FAF1: variants seen among roughly 807,000 people sequenced by gnomAD.
FAF1 encodes the protein Fas associated factor 1, also known as FAS-associated factor 1.
FAF1 carries 25 observed loss-of-function variants against 92.5 expected under a neutral mutation model. The observed-to-expected ratio is 0.27, with a 90% CI of 0.20 to 0.38. The LOEUF is 0.38. Among genes scored for constraint, FAF1 ranks in the 10% least tolerant of loss-of-function variants. The pLI, the probability that FAF1 is intolerant of heterozygous loss-of-function variation, is 1.00. For missense variants in FAF1, 636 were observed against 793.3 expected (o/e 0.80, Z 2.38); for synonymous variants, 234 against 273.2 (o/e 0.86, Z 1.42).
At chr1:50,869,583 T>C (rs1644510291) in intron 1 of FAF1, among the ~76,000 whole-genome samples, 1 of 152,206 alleles carries the variant, frequency 6.6e-6, no homozygotes, top group Admixed American at 6.5e-5. Flanking sequence ...GAGCTCCTAC[T>C]TGCCATGGAG....
intron 13 of FAF1, among the ~76,000 whole-genome samples, chr1:50,544,541 C>G (rs996481604): frequency 5.3e-5 from 8 of 152,154 alleles, no homozygotes; most frequent in Admixed American, 4.6e-4. Flanking sequence ...GAAGGCAGTT[C>G]TTAAAAGAAA....
chr1:50,584,796 G>A lies in FAF1; in HGVS notation c.856C>T (p.His286Tyr), dbSNP rs541555206. 1 of 1,613,054 alleles carries A rather than the reference G, an allele frequency of 6.2e-7. No individual in the cohort carries two copies. The highest frequency in any genetic ancestry group is 2.2e-5 in the East Asian group (1 of 44,816). The change falls in exon 10 of 19, where the codon CAT becomes TAT. Residue 286 changes from histidine to tyrosine, a missense_variant. This residue lies in a region of FAF1 where 319 missense variants were observed against 451.0 expected (regional missense o/e 0.71). Coordinates refer to ENST00000396153, the MANE Select transcript of FAF1 (RefSeq NM_007051.3). ...TCTCCATCGCTATCACTAACCATAT[G>A]AACATCGGTGATTTGCTATTTAAGG... ...EQSEEQITDV[H>Y]MVSDSDGDDF...
chr1:50,656,053 C>T lies in FAF1; in HGVS notation c.658-525G>A, dbSNP rs1475649682. 5.9e-5 allele frequency among the ~76,000 whole-genome samples: 9 copies of T among 151,946 alleles called. No individual in the cohort carries two copies. The East Asian group carries it at 1.2e-3, about 20-fold the overall frequency. On this transcript the variant is annotated intron_variant, in intron 7 of 18. Transcript: ENST00000396153. ...ACTTATTATTAAAGTAGCACAGGGC[C>T]GGGGACGGTGGCTCACACCTGTAAT...
chr1:50,702,122 G>T (rs144872404), intron 7 of FAF1, among the ~76,000 whole-genome samples: 1 of 151,960 alleles, frequency 6.6e-6, no homozygotes, highest in Non-Finnish European at 1.5e-5. Context: ...TAGTAAGGCC[G>T]ATAACAAAGA....
chr1:50,685,886 G>A (rs142613634), intron 7 of FAF1, among the ~76,000 whole-genome samples: 14 of 152,280 alleles, frequency 9.2e-5, no homozygotes, highest in Non-Finnish European at 1.8e-4. Context: ...TTACTATGAA[G>A]TAAAAACCAT....
At chr1:50,443,700 G>C (rs1194038440) in intron 18 of FAF1, among the ~76,000 whole-genome samples, 1 of 152,146 alleles carries the variant, frequency 6.6e-6, no homozygotes, top group Non-Finnish European at 1.5e-5. Flanking sequence ...AGGTTGTTGT[G>C]ATTATAGTTA....
intron 12 of FAF1, among the ~76,000 whole-genome samples, chr1:50,569,566 C>T (rs1650332931): frequency 6.6e-6 from 1 of 152,164 alleles, no homozygotes; most frequent in African/African-American, 2.4e-5. Flanking sequence ...AGAGGGATGT[C>T]AACCCCTAAT....
chr1:50,468,993 T>C (rs1220594620), intron 18 of FAF1, among the ~76,000 whole-genome samples: 1 of 152,264 alleles, frequency 6.6e-6, no homozygotes, highest in Non-Finnish European at 1.5e-5. Flanking sequence ...CCCTTGCTAG[T>C]ATTTTTCCCT....
At chr1:50,680,012 T>C (rs1210510024) in intron 7 of FAF1, among the ~76,000 whole-genome samples, 1 of 152,248 alleles carries the variant, frequency 6.6e-6, no homozygotes, top group Non-Finnish European at 1.5e-5. Flanking sequence ...ACTTTCACTG[T>C]GATAGATCTA....
At chr1:50,656,131 A>C (rs1488343518) in intron 7 of FAF1, among the ~76,000 whole-genome samples, 1 of 152,182 alleles carries the variant, frequency 6.6e-6, no homozygotes, top group Non-Finnish European at 1.5e-5. Context: ...CAGGAGTTCG[A>C]GACCAGTCTG....
At chr1:50,541,514 C>T (rs1648755321) in intron 13 of FAF1, among the ~76,000 whole-genome samples, 1 of 152,022 alleles carries the variant, frequency 6.6e-6, no homozygotes, top group Non-Finnish European at 1.5e-5. Context: ...GTGCTTTTTT[C>T]TAAAATATTT....
rs749003154 is a variant in FAF1, at chr1:50,490,635, G to T, written c.1606C>A (p.Gln536Lys). ...REAHEREMAE[Q>K]FRLEQIRKEQ... ...TTGCGAATCTGCTCCAAACGAAACT[G>T]TTCTGCCATCTCTCTCTCGTGAGCT... Residue 536 changes from glutamine (Q) to lysine (K), a missense_variant, in exon 17 of 19, where the codon CAG (glutamine) becomes AAG (lysine). Gln to Lys is a moderately conservative substitution (Grantham distance 53, BLOSUM62 1). Around this residue, in one of 2 missense-constraint regions of FAF1, gnomAD observed 319 missense variants for 451.0 expected, o/e 0.71. Transcript: ENST00000396153. 1 of 1,612,972 alleles carries T rather than the reference G, an allele frequency of 6.2e-7. No individual in the cohort carries two copies. The highest frequency in any genetic ancestry group is 2.2e-5 in the East Asian group (1 of 44,866).
At chr1:50,632,226 T>A (rs1340530056) in intron 8 of FAF1, among the ~76,000 whole-genome samples, 2 of 152,210 alleles carry the variant, frequency 1.3e-5, no homozygotes, top group African/African-American at 2.4e-5. Flanking sequence ...TATTTGTCAC[T>A]AGTCTGAAGG....
chr1:50,445,931 T>A (rs1307459387), intron 18 of FAF1, among the ~76,000 whole-genome samples: 1 of 152,200 alleles, frequency 6.6e-6, no homozygotes, highest in African/African-American at 2.4e-5. Flanking sequence ...GAGCTATTCC[T>A]TTCTAGATCA....
chr1:50,643,122 G>A (rs975060881), intron 8 of FAF1, among the ~76,000 whole-genome samples: 2 of 152,144 alleles, frequency 1.3e-5, no homozygotes, highest in African/African-American at 2.4e-5. Context: ...GAGCCACCAC[G>A]CCTGGCCTTT....
chr1:50,606,668 T>C (rs546288645), intron 8 of FAF1, among the ~76,000 whole-genome samples: 2 of 151,922 alleles, frequency 1.3e-5, no homozygotes, highest in Admixed American at 1.3e-4. Flanking sequence ...CCTGGCTAAT[T>C]TTTTTGTATT....
chr1:50,658,736 G>A (rs905169224), intron 7 of FAF1, among the ~76,000 whole-genome samples: 2 of 152,236 alleles, frequency 1.3e-5, no homozygotes, highest in Non-Finnish European at 2.9e-5. Context: ...TTGGCTGAGA[G>A]AGTCCCATGT....
chr1:50,464,121 A>ACATTC (rs1371267618), intron 18 of FAF1, among the ~76,000 whole-genome samples: 1 of 152,140 alleles, frequency 6.6e-6, no homozygotes, highest in Non-Finnish European at 1.5e-5. Flanking sequence ...TGAATGTACC[A>ACATTC]TGTGCCATGT....
At chr1:50,852,977 G>A (rs564861280) in intron 2 of FAF1, among the ~76,000 whole-genome samples, 1 of 152,238 alleles carries the variant, frequency 6.6e-6, no homozygotes, top group East Asian at 1.9e-4. Flanking sequence ...TTCTTTCACA[G>A]TAACTTATCT....
Sources: gnomAD v4.1 joint callset for allele counts (sites outside exome capture counted in the v4.1 genomes callset) on GRCh38, gnomAD v4.1.1 for gene constraint, gnomAD v4.1.1 regional missense constraint, MANE v1.5 for transcripts, NCBI Gene and HGNC (gene_info 2026-07-23, HGNC 2026-07-21) for gene names.